Variants in PCSK5 observed in about 807,000 individuals in gnomAD.
PCSK5 encodes prohormone convertase 5.
In PCSK5, 129 loss-of-function variants were observed where a neutral mutation model predicts 233.2. The ratio of observed to expected loss-of-function variants is 0.55; its 90% confidence interval spans 0.48 to 0.64. PCSK5 has a LOEUF of 0.64. Among genes scored for constraint, PCSK5 ranks in the 30% least tolerant of loss-of-function variants. PCSK5 has a pLI of 0.00. For synonymous variants in PCSK5, 825 were observed against 879.2 expected (o/e 0.94, Z 1.09); for missense variants, 2,076 against 2,430.1 (o/e 0.85, Z 3.06).
intron 1 of PCSK5, among the ~76,000 whole-genome samples, chr9:75,892,055 G>A (rs1015598509): frequency 2.0e-5 from 3 of 152,152 alleles, no homozygotes; most frequent in Admixed American, 1.3e-4. Context: ...GGGGAGGTGG[G>A]AAACTTCCGA....
At chr9:76,020,929 A>T (rs1342746875) in intron 3 of PCSK5, among the ~76,000 whole-genome samples, 1 of 152,214 alleles carries the variant, frequency 6.6e-6, no homozygotes, top group Non-Finnish European at 1.5e-5. Context: ...AGAATGGAAT[A>T]AAAACCTGTC....
intron 2 of PCSK5, among the ~76,000 whole-genome samples, chr9:75,972,722 A>AT (rs1388731033): frequency 6.6e-6 from 1 of 152,060 alleles, no homozygotes; most frequent in Non-Finnish European, 1.5e-5. Flanking sequence ...TTACACATTG[A>AT]TTTTGTATCT....
At chr9:76,328,436 C>T (rs948751215) in intron 33 of PCSK5, among the ~76,000 whole-genome samples, 197 bp downstream of exon 33, 4 of 152,164 alleles carry the variant, frequency 2.6e-5, no homozygotes, top group African/African-American at 4.8e-5. Flanking sequence ...TCATCCAGTT[C>T]GCAAATTGCT....
chr9:76,188,175 CTG>C (rs1020504967), intron 17 of PCSK5, among the ~76,000 whole-genome samples: 8 of 152,236 alleles, frequency 5.3e-5, no homozygotes, highest in South Asian at 4.2e-4. Flanking sequence ...CATGAAATAA[CTG>C]TTGAATTTAT....
chr9:75,990,185 T>G (rs1409545412), intron 3 of PCSK5, among the ~76,000 whole-genome samples: 1 of 152,226 alleles, frequency 6.6e-6, no homozygotes, highest in Non-Finnish European at 1.5e-5. Context: ...TTCCTTTTCC[T>G]GAGCCCTGAG....
At chr9:76,129,133 C>G (rs1822650279) in intron 9 of PCSK5, among the ~76,000 whole-genome samples, 1 of 152,190 alleles carries the variant, frequency 6.6e-6, no homozygotes, top group Non-Finnish European at 1.5e-5. Context: ...ATACTTTCTG[C>G]TTCATCTTTG....
At chr9:76,185,610 T>G (rs1263254137) in intron 17 of PCSK5, among the ~76,000 whole-genome samples, 1 of 152,174 alleles carries the variant, frequency 6.6e-6, no homozygotes, top group Non-Finnish European at 1.5e-5. Flanking sequence ...CCCCCATGAA[T>G]GCATTCAGTA....
intron 24 of PCSK5, among the ~76,000 whole-genome samples, chr9:76,263,053 A>C (rs1827228509): frequency 6.6e-6 from 1 of 152,198 alleles, no homozygotes; most frequent in South Asian, 2.1e-4. Context: ...GCCATCAGAG[A>C]AATGCAAATC....
intron 2 of PCSK5, among the ~76,000 whole-genome samples, chr9:75,942,198 C>T (rs978985741): frequency 3.3e-5 from 5 of 152,162 alleles, no homozygotes; most frequent in African/African-American, 7.2e-5. Flanking sequence ...GGAGCTGGCT[C>T]GGTGTTGCCA....
At chr9:76,022,999 C>A (rs1828265989) in intron 3 of PCSK5, among the ~76,000 whole-genome samples, 1 of 152,200 alleles carries the variant, frequency 6.6e-6, no homozygotes, top group African/African-American at 2.4e-5. Flanking sequence ...TACAGAGAAG[C>A]TGCCTGAGTG....
chr9:76,133,039 G>A (rs1438201962), intron 9 of PCSK5, among the ~76,000 whole-genome samples: 3 of 152,030 alleles, frequency 2.0e-5, no homozygotes, highest in East Asian at 1.9e-4. Flanking sequence ...AAAAGAGAGT[G>A]CAGAAAGACT....
chr9:76,159,713 G>A (rs1822765636), intron 12 of PCSK5, among the ~76,000 whole-genome samples: 1 of 151,918 alleles, frequency 6.6e-6, no homozygotes, highest in South Asian at 2.1e-4. Flanking sequence ...GAATACGGGT[G>A]CCTGTGTGCC....
chr9:76,273,987 G>GA (rs1341603616), intron 24 of PCSK5, among the ~76,000 whole-genome samples: 4 of 151,198 alleles, frequency 2.6e-5, no homozygotes, highest in African/African-American at 9.7e-5. Flanking sequence ...AACAATTCTG[G>GA]AACATTTTCA....
intron 9 of PCSK5, among the ~76,000 whole-genome samples, chr9:76,121,460 C>T (rs1832627268): frequency 6.6e-6 from 1 of 152,126 alleles, no homozygotes; most frequent in Admixed American, 6.5e-5. Context: ...GCTATTATTA[C>T]AGCAGCTAGC....
Position 76,321,568 on chromosome 9 carries a change from T to C in PCSK5, c.4031T>C (p.Val1344Ala). ...CAGGAAAACTGCCCCGAGAGGCACG[T>C]GGCTGTGAAGGGGGTATGCAAGCAT... ...VCQENCPERH[V>A]AVKGVCKHCP... The change falls in exon 31 of 38, where the codon GTG (valine) becomes GCG (alanine). Residue 1344 changes from valine to alanine, a missense_variant. Transcript: ENST00000674117. 6.2e-7 allele frequency: 1 copy of C among 1,612,564 alleles called. No homozygotes were observed. The highest frequency in any genetic ancestry group is 1.3e-5 in the African/African-American group (1 of 75,024).
Position 76,109,773 on chromosome 9 carries a change from C to G in PCSK5, c.1208+2422C>G, listed in dbSNP as rs937026611. Among the ~76,000 whole-genome samples, 4 of 151,998 alleles carry G rather than the reference C, an allele frequency of 2.6e-5. No homozygotes were observed. In the East Asian group the frequency reaches 7.7e-4, roughly 29 times the overall value. On this transcript the variant is annotated intron_variant, in intron 9 of 37. Transcript: ENST00000674117. ...AAAAACAAACCTTTTTTTGTAACTCCATTGGTTTGTTGTACAGCTCAATCT... is the reference window on the plus strand; with the variant it reads ...AAAAACAAACCTTTTTTTGTAACTCGATTGGTTTGTTGTACAGCTCAATCT...
In PCSK5 at chr9:76,219,664, C is replaced by T. The variant is rs183801886; in HGVS notation, c.2627-7839C>T. Among the ~76,000 whole-genome samples, 1,185 of 152,220 alleles carry T rather than the reference C, an allele frequency of 7.8e-3. 8 individuals carry two copies. The highest frequency in any genetic ancestry group is 0.013 in the Non-Finnish European group (852 of 68,004). On this transcript the variant is annotated intron_variant, in intron 20 of 37. Transcript: ENST00000674117. Reference sequence around the variant, plus strand: ...CACATCCCTTAAGGCCTGGCAGTGTCGTGCTCACTCATGGGAAGCGCTCTC... The same window carrying T: ...CACATCCCTTAAGGCCTGGCAGTGTTGTGCTCACTCATGGGAAGCGCTCTC...
chr9:75,937,206 T>C (rs973084085), intron 2 of PCSK5, among the ~76,000 whole-genome samples: 2 of 147,716 alleles, frequency 1.4e-5, no homozygotes, highest in African/African-American at 5.0e-5. Context: ...TTTTAAAGAG[T>C]CTCGCTCTGT....
At chr9:75,906,126 G>T (rs527857191) in intron 1 of PCSK5, among the ~76,000 whole-genome samples, 2 of 152,210 alleles carry the variant, frequency 1.3e-5, no homozygotes, top group Non-Finnish European at 2.9e-5. Context: ...TATGATAGGT[G>T]ATGTTGGAAA....
Sources: gnomAD v4.1 joint callset for allele counts (sites outside exome capture counted in the v4.1 genomes callset) on GRCh38, gnomAD v4.1.1 for gene constraint, MANE v1.5 for transcripts, NCBI Gene and HGNC (gene_info 2026-07-23, HGNC 2026-07-21) for gene names.